The following SOX5 variants were observed in gnomAD, a reference collection of about 807,000 sequenced individuals.
SOX5 encodes transcription factor SOX-5.
Under a neutral mutation model 92.0 loss-of-function variants are expected in SOX5, and 9 were observed. The observed-to-expected ratio is 0.10, with a 90% CI of 0.06 to 0.17. The LOEUF (loss-of-function observed/expected upper bound fraction) is 0.17, where lower values mean the gene tolerates loss of function less well. Ranked by LOEUF, SOX5 falls within the 10% of genes least tolerant of loss-of-function variation. The pLI is 1.00. For missense variants in SOX5, 642 were observed against 944.5 expected (o/e 0.68, Z 4.20); for synonymous variants, 344 against 336.3 (o/e 1.02, Z -0.25).
chr12:24,371,917 A>C (rs1360869484), intron 1 of SOX5, among the ~76,000 whole-genome samples: 1 of 151,876 alleles, frequency 6.6e-6, no homozygotes, highest in Non-Finnish European at 1.5e-5. Flanking sequence ...GAACCCAGGA[A>C]GTGGAGGTTG....
intron 1 of SOX5, among the ~76,000 whole-genome samples, chr12:23,912,774 T>C (rs1486043062): frequency 6.6e-6 from 1 of 152,032 alleles, no homozygotes; most frequent in Non-Finnish European, 1.5e-5. Context: ...TTATATGCAA[T>C]GTCCAGAATA....
intron 3 of SOX5, among the ~76,000 whole-genome samples, chr12:23,783,349 C>G (rs1567723778): frequency 6.6e-6 from 1 of 152,078 alleles, no homozygotes; most frequent in Non-Finnish European, 1.5e-5. Context: ...AGGATAGTAC[C>G]TTAGCCATTT....
At chr12:24,520,260 T>TA (rs1950151872) in intron 1 of SOX5, among the ~76,000 whole-genome samples, 1 of 151,980 alleles carries the variant, frequency 6.6e-6, no homozygotes, top group Non-Finnish European at 1.5e-5. Context: ...GGTAAATATA[T>TA]AAACATATAC....
chr12:24,081,695 CCT>C (rs1943352169), intron 4 of SOX5, among the ~76,000 whole-genome samples: 1 of 151,914 alleles, frequency 6.6e-6, no homozygotes, highest in African/African-American at 2.4e-5. Context: ...TTAACTAATC[CCT>C]TTTACTAAAT....
At chr12:23,667,049 T>TG (rs941942922) in intron 6 of SOX5, among the ~76,000 whole-genome samples, 2 of 150,584 alleles carry the variant, frequency 1.3e-5, no homozygotes, top group African/African-American at 4.9e-5. Context: ...TTGGTGAGTG[T>TG]GGGGGGCAGC....
chr12:24,183,333 G>A (rs1488241003), intron 4 of SOX5, among the ~76,000 whole-genome samples: 15 of 152,004 alleles, frequency 9.9e-5, no homozygotes, highest in South Asian at 6.2e-4. Flanking sequence ...AACAGCATTC[G>A]TGCACGAAGA....
intron 2 of SOX5, among the ~76,000 whole-genome samples, chr12:24,335,542 T>C (rs1951790088): frequency 6.6e-6 from 1 of 152,172 alleles, no homozygotes; most frequent in South Asian, 2.1e-4. Flanking sequence ...AGGTCCCTTA[T>C]TAAGCATGTG....
chr12:23,645,305 C>T (rs549376098), intron 7 of SOX5, among the ~76,000 whole-genome samples: 1 of 152,124 alleles, frequency 6.6e-6, no homozygotes, highest in African/African-American at 2.4e-5. Context: ...AGGAGTATGA[C>T]ATGCTAAAGG....
At chr12:23,932,596 C>A (rs1028737785) in intron 1 of SOX5, among the ~76,000 whole-genome samples, 5 of 151,244 alleles carry the variant, frequency 3.3e-5, no homozygotes, top group Admixed American at 6.6e-5. Context: ...GTGAAGGGGG[C>A]AAAGTTAATA....
intron 2 of SOX5, among the ~76,000 whole-genome samples, chr12:23,860,282 A>G (rs2136384841): frequency 7.4e-6 from 1 of 134,456 alleles, no homozygotes; most frequent in East Asian, 2.4e-4. Flanking sequence ...CTTCACATGT[A>G]CCCCCAAACC....
chr12:24,209,299 G>T (rs1377090487), intron 4 of SOX5, among the ~76,000 whole-genome samples: 1 of 152,126 alleles, frequency 6.6e-6, no homozygotes, highest in Non-Finnish European at 1.5e-5. Flanking sequence ...AACAATCTTA[G>T]ATGAATATGT....
intron 2 of SOX5, among the ~76,000 whole-genome samples, chr12:24,302,256 A>G (rs1948055169): frequency 6.6e-6 from 1 of 152,162 alleles, no homozygotes; most frequent in Admixed American, 6.5e-5. Context: ...TCCATGGGGT[A>G]TTATTCAATT....
chr12:24,184,972 G>A (rs1955870079), intron 4 of SOX5, among the ~76,000 whole-genome samples: 1 of 152,028 alleles, frequency 6.6e-6, no homozygotes, highest in African/African-American at 2.4e-5. Context: ...CAATCAACAA[G>A]TATTTATTGT....
intron 1 of SOX5, among the ~76,000 whole-genome samples, chr12:24,506,916 A>C (rs111540993): frequency 2.0e-5 from 3 of 147,666 alleles, no homozygotes; most frequent in Non-Finnish European, 3.0e-5. Flanking sequence ...TCAGCCTCCC[A>C]AGTAGCTGGG....
At chr12:24,127,963 C>T (rs1304240881) in intron 4 of SOX5, among the ~76,000 whole-genome samples, 2 of 152,184 alleles carry the variant, frequency 1.3e-5, no homozygotes, top group Admixed American at 1.3e-4. Flanking sequence ...CTAGCACAGC[C>T]TCCTAGGATT....
At chr12:24,403,127 A>T (rs1054261300) in intron 1 of SOX5, among the ~76,000 whole-genome samples, 1 of 152,194 alleles carries the variant, frequency 6.6e-6, no homozygotes, top group Non-Finnish European at 1.5e-5. Context: ...ATCTTCTCAT[A>T]CCTGAGCAGA....
Position 23,759,066 on chromosome 12 carries a change from C to CAG in SOX5, c.482-3343_482-3342insCT, listed in dbSNP as rs1567536435. On this transcript the variant is annotated intron_variant, in intron 3 of 14. Coordinates refer to ENST00000451604, the MANE Select transcript of SOX5 (RefSeq NM_006940.6). Reference sequence around the variant, plus strand: ...ACACACACACACACACACACACACACTGTCCCTCATTTAATCTACAAAACA... The same window carrying CAG: ...ACACACACACACACACACACACACACAGTGTCCCTCATTTAATCTACAAAACA... 5.8e-3 allele frequency among the ~76,000 whole-genome samples: 879 copies of CAG among 150,858 alleles called. 10 individuals are homozygous for CAG. The highest frequency in any genetic ancestry group is 0.02 in the African/African-American group (806 of 41,100).
chr12:24,223,343 A>G (rs1960984690), intron 3 of SOX5: 1 of 152,242 alleles, frequency 6.6e-6, no homozygotes, highest in Non-Finnish European at 1.5e-5. Context: ...AACCAAAGTC[A>G]AAGAGTCAGA....
At chr12:23,821,571 C>T (rs1192171022) in intron 3 of SOX5, among the ~76,000 whole-genome samples, 1 of 152,012 alleles carries the variant, frequency 6.6e-6, no homozygotes, top group African/African-American at 2.4e-5. Context: ...TCATAAATAG[C>T]TAGTTTATTG....
Sources: gnomAD v4.1 joint callset for allele counts (sites outside exome capture counted in the v4.1 genomes callset) on GRCh38, gnomAD v4.1.1 for gene constraint, MANE v1.5 for transcripts, NCBI Gene and HGNC (gene_info 2026-07-23, HGNC 2026-07-21) for gene names.